GMDS: variants seen among roughly 807,000 people sequenced by gnomAD.
GMDS encodes GDP-mannose 4,6-dehydratase.
A neutral mutation model predicts 49.9 loss-of-function variants in GMDS; 20 were observed. The ratio of observed to expected loss-of-function variants is 0.40; its 90% CI spans 0.28 to 0.58. The LOEUF is 0.58. Among genes scored for constraint, GMDS ranks in the 20% least tolerant of loss-of-function variants. The pLI is 0.42. For missense variants in GMDS, 362 were observed against 481.4 expected (o/e 0.75, Z 2.32); for synonymous variants, 177 against 178.6 (o/e 0.99, Z 0.07).
chr6:1,903,533 A>G (rs1169896561), intron 7 of GMDS, among the ~76,000 whole-genome samples: 1 of 152,220 alleles, frequency 6.6e-6, no homozygotes, highest in Non-Finnish European at 1.5e-5. Flanking sequence ...TGCTCTAAAC[A>G]ATTTACAGGT....
intron 7 of GMDS, among the ~76,000 whole-genome samples, chr6:1,825,719 T>C (rs560669755): frequency 2.6e-5 from 4 of 152,298 alleles, no homozygotes; most frequent in East Asian, 1.9e-4. Context: ...GCATAAAAGA[T>C]AGAAAATGGC....
chr6:2,010,155 C>A (rs541344441), intron 4 of GMDS, among the ~76,000 whole-genome samples: 1 of 151,776 alleles, frequency 6.6e-6, no homozygotes, highest in Non-Finnish European at 1.5e-5. Flanking sequence ...GGTGAAACCC[C>A]GTCTCCACTA....
At chr6:2,014,993 C>T (rs1331380592) in intron 4 of GMDS, among the ~76,000 whole-genome samples, 2 of 152,046 alleles carry the variant, frequency 1.3e-5, no homozygotes, top group Non-Finnish European at 1.5e-5. Context: ...ATAAAGGGGT[C>T]ATTTCTCCAA....
chr6:1,932,740 G>A (rs1041555901), intron 6 of GMDS, among the ~76,000 whole-genome samples: 26 of 151,994 alleles, frequency 1.7e-4, no homozygotes, highest in Admixed American at 7.9e-4. Flanking sequence ...GGGTTTCACC[G>A]TGTTAGTCAG....
chr6:1,905,621 A>G (rs34945241), intron 7 of GMDS, among the ~76,000 whole-genome samples: 134 of 89,666 alleles, frequency 1.5e-3, no homozygotes, highest in East Asian at 1.6e-3. Flanking sequence ...CCTCAAAGGT[A>G]CCTGTGCATC....
At chr6:1,890,787 A>G (rs1427806939) in intron 7 of GMDS, among the ~76,000 whole-genome samples, 1 of 152,196 alleles carries the variant, frequency 6.6e-6, no homozygotes, top group Non-Finnish European at 1.5e-5. Flanking sequence ...CTTCATATGA[A>G]TTACTTAAAA....
chr6:1,671,984 A>C (rs760018543), intron 9 of GMDS, among the ~76,000 whole-genome samples: 4 of 152,164 alleles, frequency 2.6e-5, no homozygotes, highest in African/African-American at 4.8e-5. Flanking sequence ...ACTTTCTGCC[A>C]TTACTTTTAG....
intron 7 of GMDS, among the ~76,000 whole-genome samples, chr6:1,924,466 C>A (rs1025284626): frequency 6.6e-6 from 1 of 152,158 alleles, no homozygotes; most frequent in African/African-American, 2.4e-5. Flanking sequence ...CTTGATTAAC[C>A]CTGTCTCCCA....
chr6:2,144,982 G>A (rs1776479789), intron 1 of GMDS, among the ~76,000 whole-genome samples: 1 of 152,164 alleles, frequency 6.6e-6, no homozygotes, highest in South Asian at 2.1e-4. Context: ...CAAAGGGACT[G>A]GGCAATAAAA....
At chr6:1,729,775 C>G (rs1012248698) in intron 8 of GMDS, among the ~76,000 whole-genome samples, 10 of 152,172 alleles carry the variant, frequency 6.6e-5, no homozygotes, top group African/African-American at 2.4e-4. Context: ...GAGCAGGGAT[C>G]CTGTATAATT....
chr6:1,650,152 C>G (rs764478780), intron 9 of GMDS, among the ~76,000 whole-genome samples: 13 of 152,180 alleles, frequency 8.5e-5, no homozygotes, highest in Non-Finnish European at 1.5e-4. Context: ...CTTTCCTCAT[C>G]TAGCTCGTGG....
intron 7 of GMDS, among the ~76,000 whole-genome samples, chr6:1,876,797 T>A (rs957411033): frequency 1.3e-5 from 2 of 152,254 alleles, no homozygotes; most frequent in Admixed American, 1.3e-4. Context: ...GTTTCCTTCC[T>A]TTTTGATTTC....
chr6:2,017,532 C>T (rs1010729877), intron 4 of GMDS, among the ~76,000 whole-genome samples: 1 of 152,158 alleles, frequency 6.6e-6, no homozygotes, highest in Non-Finnish European at 1.5e-5. Context: ...TGGTCTCGTA[C>T]TCCCTACCTC....
intron 4 of GMDS, among the ~76,000 whole-genome samples, chr6:2,042,097 A>C (rs1490818201): frequency 2.0e-5 from 3 of 152,244 alleles, no homozygotes; most frequent in Non-Finnish European, 2.9e-5. Flanking sequence ...GTGGGAAATC[A>C]TGACAAAATG....
intron 7 of GMDS, among the ~76,000 whole-genome samples, chr6:1,752,643 C>T (rs571310413): frequency 2.0e-5 from 3 of 152,272 alleles, no homozygotes; most frequent in South Asian, 4.2e-4. Flanking sequence ...AGAGAAAGGT[C>T]GGGTTACTCA....
chr6:2,071,705 A>C (rs2127459432), intron 4 of GMDS, among the ~76,000 whole-genome samples: 1 of 152,254 alleles, frequency 6.6e-6, no homozygotes, highest in Admixed American at 6.5e-5. Flanking sequence ...AAAAAGAACA[A>C]AAATTCTAAA....
chr6:1,738,036 C>T (rs114091981), intron 8 of GMDS, among the ~76,000 whole-genome samples: 48,710 of 146,084 alleles, frequency 0.33, 9,375 homozygotes, highest in Non-Finnish European at 0.45. Context: ...ACACACCACA[C>T]ACACACACCA....
intron 4 of GMDS, among the ~76,000 whole-genome samples, chr6:2,026,208 C>T (rs1014942014): frequency 1.3e-5 from 2 of 152,132 alleles, no homozygotes; most frequent in African/African-American, 2.4e-5. Flanking sequence ...GCTTTCTGGC[C>T]ATGTGGCTCG....
At chr6:2,153,059 A>AAAAT (rs760183938) in intron 1 of GMDS, among the ~76,000 whole-genome samples, 43 of 152,206 alleles carry the variant, frequency 2.8e-4, no homozygotes, top group South Asian at 1.9e-3. Context: ...ACTCCTCCTC[A>AAAAT]AAATAAATAA....
Sources: gnomAD v4.1 joint callset for allele counts (sites outside exome capture counted in the v4.1 genomes callset) on GRCh38, gnomAD v4.1.1 for gene constraint, MANE v1.5 for transcripts, NCBI Gene and HGNC (gene_info 2026-07-23, HGNC 2026-07-21) for gene names.